CPED1: variants seen among roughly 807,000 people sequenced by gnomAD.
The protein encoded by CPED1 is cadherin like and PC-esterase domain containing 1, also known as cadherin-like and PC-esterase domain-containing protein 1.
CPED1 carries 114 observed loss-of-function variants against 128.2 expected under a neutral mutation model. The ratio of observed to expected loss-of-function variants is 0.89; its 90% CI spans 0.76 to 1.04. The LOEUF (loss-of-function observed/expected upper bound fraction) is 1.04. Among genes scored for constraint, CPED1 ranks in the 50% least tolerant of loss-of-function variants. The pLI, the probability that CPED1 is intolerant of heterozygous loss-of-function variation, is 0.00. For missense variants in CPED1, 1,211 were observed against 1,207.1 expected, an observed-to-expected ratio of 1.00 and a Z score of -0.05; for synonymous variants, 462 against 426.7, an observed-to-expected ratio of 1.08 and a Z score of -1.02.
At chr7:121,134,666 A>T (rs573644609) in intron 13 of CPED1, among the ~76,000 whole-genome samples, 1 of 152,110 alleles carries the variant, frequency 6.6e-6, no homozygotes, top group Non-Finnish European at 1.5e-5. Flanking sequence ...TCATTACACA[A>T]TGTATACATG....
chr7:121,014,046 A>G (rs977690666), intron 2 of CPED1, among the ~76,000 whole-genome samples: 1 of 152,246 alleles, frequency 6.6e-6, no homozygotes, highest in East Asian at 1.9e-4. Flanking sequence ...TCAATTAAAA[A>G]TTTCCGTAAG....
rs151156200 is a variant in CPED1 at position 121,173,787 on chromosome 7, A to G, written c.2055+31646A>G. Reference sequence around the variant, plus strand: ...TGGGTCAAATTTCAGTTCTGTTTTTAGCTCTTTGAGGAATTGCCTGACTGC... The same window carrying G: ...TGGGTCAAATTTCAGTTCTGTTTTTGGCTCTTTGAGGAATTGCCTGACTGC... On this transcript the variant is annotated intron_variant, in intron 16 of 22. Transcript: ENST00000310396. 5.9e-5 allele frequency among the ~76,000 whole-genome samples: 9 copies of G among 152,164 alleles called. No individual in the cohort carries two copies. The East Asian group carries it at 1.7e-3, about 29-fold the overall frequency.
At chr7:121,029,188 A>T (rs187392405) in intron 3 of CPED1, among the ~76,000 whole-genome samples, 1 of 152,148 alleles carries the variant, frequency 6.6e-6, no homozygotes, top group Non-Finnish European at 1.5e-5. Context: ...ATCTTTGTCC[A>T]CATTCCTAAT....
At chr7:121,011,846 A>C (rs1489600767) in intron 2 of CPED1, among the ~76,000 whole-genome samples, 1 of 152,212 alleles carries the variant, frequency 6.6e-6, no homozygotes. Context: ...GACATAGATC[A>C]AACCAAATTA....
At chr7:121,100,505 A>C (rs1794823169) in intron 7 of CPED1, among the ~76,000 whole-genome samples, 1 of 152,200 alleles carries the variant, frequency 6.6e-6, no homozygotes, top group South Asian at 2.1e-4. Flanking sequence ...TCATCACACC[A>C]GTCAATATGG....
chr7:121,090,294 G>A (rs1318614551), intron 5 of CPED1, among the ~76,000 whole-genome samples: 2 of 152,140 alleles, frequency 1.3e-5, no homozygotes, highest in African/African-American at 2.4e-5. Flanking sequence ...GGGTCAAATT[G>A]TGTCTCCACT....
At chr7:121,027,111 G>A (rs1792612366) in intron 3 of CPED1, among the ~76,000 whole-genome samples, 1 of 151,746 alleles carries the variant, frequency 6.6e-6, no homozygotes, top group Non-Finnish European at 1.5e-5. Flanking sequence ...AAAGTGCTGG[G>A]ATTACAGACG....
intron 16 of CPED1, among the ~76,000 whole-genome samples, chr7:121,232,418 G>A (rs1798159750): frequency 6.6e-6 from 1 of 152,116 alleles, no homozygotes; most frequent in Non-Finnish European, 1.5e-5. Flanking sequence ...AAAGATATGA[G>A]ATGTGGGATC....
intron 16 of CPED1, among the ~76,000 whole-genome samples, chr7:121,215,963 A>G (rs1240953454): frequency 6.6e-6 from 1 of 151,972 alleles, no homozygotes; most frequent in Non-Finnish European, 1.5e-5. Flanking sequence ...TATTTTCCCA[A>G]TTTCACAGAT....
In CPED1 at chr7:121,018,893, C is replaced by T. The variant is rs536512831; in HGVS notation, c.433+3045C>T. Among the ~76,000 whole-genome samples the T allele has an allele frequency of 2.0e-5, 3 of 152,202 alleles. No homozygotes were observed. The East Asian group carries it at 5.8e-4, about 29-fold the overall frequency. Reference sequence around the variant, plus strand: ...CAATCAAACTACAGAATTAAAGTCACTCACTTTGCACCATCCTTTGAAGGA... The same window carrying T: ...CAATCAAACTACAGAATTAAAGTCATTCACTTTGCACCATCCTTTGAAGGA... On this transcript the variant is annotated intron_variant, in intron 3 of 22. Transcript: ENST00000310396.
intron 22 of CPED1, among the ~76,000 whole-genome samples, chr7:121,272,462 TTGA>T (rs2116757532): frequency 6.6e-6 from 1 of 152,152 alleles, no homozygotes; most frequent in East Asian, 1.9e-4. Context: ...TCCAACTTCC[TTGA>T]TGGCGGTAAT....
intron 22 of CPED1, among the ~76,000 whole-genome samples, chr7:121,293,643 C>T (rs1253429543): frequency 6.6e-6 from 1 of 152,128 alleles, no homozygotes; most frequent in Non-Finnish European, 1.5e-5. Context: ...GGCGTCGGCA[C>T]CCAAGGGAAT....
intron 3 of CPED1, among the ~76,000 whole-genome samples, chr7:121,041,181 T>C (rs1793042638): frequency 6.6e-6 from 1 of 152,154 alleles, no homozygotes. Flanking sequence ...TTGCTTTTGA[T>C]TTAATTATAA....
At chr7:121,079,268 A>G (rs1253257179) in intron 5 of CPED1, among the ~76,000 whole-genome samples, 1 of 152,156 alleles carries the variant, frequency 6.6e-6, no homozygotes, top group Non-Finnish European at 1.5e-5. Flanking sequence ...GAAACGAGAG[A>G]ACAGATCCCC....
At chr7:121,214,370 G>T (rs144468574) in intron 16 of CPED1, among the ~76,000 whole-genome samples, 2 of 152,044 alleles carry the variant, frequency 1.3e-5, no homozygotes, top group East Asian at 3.9e-4. Flanking sequence ...TTGGCTTACT[G>T]CAACCTCCGC....
At chr7:121,295,083 A>G in intron 22 of CPED1, among the ~76,000 whole-genome samples, 1 of 151,618 alleles carries the variant, frequency 6.6e-6, no homozygotes, top group Non-Finnish European at 1.5e-5. Flanking sequence ...AAGGCACACC[A>G]GTGCCTTTCC....
intron 2 of CPED1, among the ~76,000 whole-genome samples, chr7:121,004,683 A>G (rs1791959090): frequency 6.6e-6 from 1 of 152,178 alleles, no homozygotes; most frequent in Non-Finnish European, 1.5e-5. Context: ...AATTGAATGG[A>G]GAATTAAAGC....
rs1444022391 is a variant in CPED1, at chr7:121,099,963, T to C, written c.787T>C (p.Phe263Leu). Residue 263 changes from phenylalanine (F) to leucine (L), a missense_variant, in exon 7 of 23, where the codon TTT becomes CTT. Transcript: ENST00000310396. Reference sequence around the variant, plus strand: ...AGTCCTTGCTCCACATGAAACAATCTTTCGAGCCGAAGATCTATCTGTGAT... The same window carrying C: ...AGTCCTTGCTCCACATGAAACAATCCTTCGAGCCGAAGATCTATCTGTGAT... ...TTVLAPHETIFRAEDLSVILK... is the reference protein window; with the variant it reads ...TTVLAPHETILRAEDLSVILK... 1.9e-6 allele frequency: 3 copies of C among 1,613,698 alleles called. No homozygotes were observed. The African/African-American group carries it at 4.0e-5, about 22-fold the overall frequency.
At chr7:121,093,866 TA>T (rs1297161415) in intron 5 of CPED1, among the ~76,000 whole-genome samples, 2 of 152,202 alleles carry the variant, frequency 1.3e-5, no homozygotes, top group East Asian at 3.9e-4. Flanking sequence ...TCCTGAACTA[TA>T]CCCATGTGTT....
Sources: allele counts gnomAD v4.1 joint callset (sites outside exome capture counted in the v4.1 genomes callset), GRCh38; gene constraint gnomAD v4.1.1; transcripts MANE v1.5; gene names NCBI Gene and HGNC (gene_info 2026-07-23, HGNC 2026-07-21).